The following BICC1 variants were observed in gnomAD, a reference collection of about 807,000 sequenced individuals.
BICC1 encodes the protein BicC family RNA binding protein 1, also known as protein bicaudal C homolog 1.
Under a neutral mutation model 111.0 loss-of-function variants are expected in BICC1, and 43 were observed. The observed-to-expected ratio is 0.39, with a 90% CI of 0.30 to 0.50. The LOEUF is 0.50. Among genes scored for constraint, BICC1 ranks in the 20% least tolerant of loss-of-function variants. The probability of loss-of-function intolerance (pLI) is 0.88; values close to 1 mark genes in which losing one functional copy is unlikely to be tolerated. For missense variants in BICC1, 1,091 were observed against 1,203.2 expected (o/e 0.91, Z 1.38); for synonymous variants, 467 against 434.4 (o/e 1.07, Z -0.93).
At chr10:58,610,187 A>G (rs1845371071) in intron 1 of BICC1, among the ~76,000 whole-genome samples, 1 of 152,218 alleles carries the variant, frequency 6.6e-6, no homozygotes, top group African/African-American at 2.4e-5. Flanking sequence ...ATTTTTGGGA[A>G]TATATATTTC....
intron 1 of BICC1, among the ~76,000 whole-genome samples, chr10:58,532,602 C>T (rs965479618): frequency 2.0e-5 from 3 of 151,774 alleles, no homozygotes; most frequent in African/African-American, 7.3e-5. Context: ...TGGCAGCAGA[C>T]CATCCACATC....
chr10:58,570,306 G>T (rs980682913), intron 1 of BICC1, among the ~76,000 whole-genome samples: 5 of 152,286 alleles, frequency 3.3e-5, no homozygotes, highest in South Asian at 2.1e-4. Context: ...TTTGGCTAAG[G>T]TTATCTCCTA....
At chr10:58,672,655 C>G (rs192928556) in intron 2 of BICC1, among the ~76,000 whole-genome samples, 21 of 152,292 alleles carry the variant, frequency 1.4e-4, no homozygotes, top group African/African-American at 5.1e-4. Context: ...CTCACAAGAG[C>G]AGGGACCAAG....
chr10:58,634,411 C>T (rs988195066), intron 2 of BICC1, among the ~76,000 whole-genome samples: 3 of 152,104 alleles, frequency 2.0e-5, no homozygotes, highest in Non-Finnish European at 4.4e-5. Context: ...CCATTCTTAA[C>T]CCCAGGTACA....
chr10:58,828,794 C>T lies in BICC1; in HGVS notation c.2828C>T (p.Ser943Leu), dbSNP rs145960427. Residue 943 changes from serine (S) to leucine (L), a missense_variant, in exon 21 of 21, where the codon TCG becomes TTG. By Grantham distance (145) the Ser-to-Leu change is moderately radical. Transcript: ENST00000373886. ...AAAAACCGAAGAAAGCTTTTTGAAT[C>T]GCCAAATGCACGCACCTCTTTCCTG... ...LNKNRRKLFE[S>L]PNARTSFLEG... 256 of 1,613,562 alleles carry T rather than the reference C, an allele frequency of 1.6e-4. 1 individual carries two copies. The highest frequency in any genetic ancestry group is 2.0e-4 in the Non-Finnish European group (233 of 1,179,788).
chr10:58,630,659 A>G (rs879180422), intron 2 of BICC1, among the ~76,000 whole-genome samples: 1 of 152,140 alleles, frequency 6.6e-6, no homozygotes, highest in South Asian at 2.1e-4. Context: ...GGGAAACTCT[A>G]CAAGGCCTAA....
Position 58,750,835 on chromosome 10 carries a change from GA to G in BICC1, c.308-34164del, listed in dbSNP as rs534316006. Among the ~76,000 whole-genome samples the G allele has an allele frequency of 4.1e-4, 62 of 152,192 alleles. 1 individual carries two copies. In the South Asian group the frequency reaches 9.5e-3, roughly 23 times the overall value. ...AAATCGGAAACCTGCTTTTTAATTGGAAGCAGTCTTTACTCTCTTGAAGCCA... is the reference window on the plus strand; with the variant it reads ...AAATCGGAAACCTGCTTTTTAATTGGAGCAGTCTTTACTCTCTTGAAGCCA... On this transcript the variant is annotated intron_variant, in intron 3 of 20. Coordinates refer to ENST00000373886, the MANE Select transcript of BICC1 (RefSeq NM_001080512.3).
intron 8 of BICC1, among the ~76,000 whole-genome samples, chr10:58,791,922 G>A (rs1248159883): frequency 1.3e-5 from 2 of 152,084 alleles, no homozygotes; most frequent in African/African-American, 2.4e-5. Context: ...CTCCCGAGTA[G>A]CTGAGATTAC....
At chr10:58,644,299 T>G (rs1838204529) in intron 2 of BICC1, among the ~76,000 whole-genome samples, 1 of 152,170 alleles carries the variant, frequency 6.6e-6, no homozygotes, top group Non-Finnish European at 1.5e-5. Flanking sequence ...AGAAAGAAAA[T>G]TGGCTCAAAG....
At chr10:58,780,756 C>A (rs1026902554) in intron 3 of BICC1, among the ~76,000 whole-genome samples, 7 of 152,062 alleles carry the variant, frequency 4.6e-5, no homozygotes, top group Admixed American at 2.0e-4. Flanking sequence ...CTTTTAAAAG[C>A]ATAACTAAAC....
chr10:58,594,692 A>G (rs1380482805), intron 1 of BICC1, among the ~76,000 whole-genome samples: 2 of 152,228 alleles, frequency 1.3e-5, no homozygotes, highest in Non-Finnish European at 2.9e-5. Context: ...TTTTGTCACC[A>G]CTAGGCCTGC....
intron 3 of BICC1, chr10:58,715,860 T>A: frequency 4.1e-6 from 5 of 1,207,300 alleles, no homozygotes. Flanking sequence ...AGAAATCTGA[T>A]AGGTATTCAT....
chr10:58,790,092 A>T (rs551021353), intron 8 of BICC1, among the ~76,000 whole-genome samples, 159 bp downstream of exon 8: 55 of 152,334 alleles, frequency 3.6e-4, no homozygotes, highest in African/African-American at 1.1e-3. Flanking sequence ...TGGAAGAGTA[A>T]TAAGGTTCAT....
intron 2 of BICC1, among the ~76,000 whole-genome samples, chr10:58,628,743 A>G (rs1837706970): frequency 6.6e-6 from 1 of 152,218 alleles, no homozygotes; most frequent in African/African-American, 2.4e-5. Context: ...TAAATATTAT[A>G]TAACCTTTAG....
At chr10:58,715,584 A>G in intron 3 of BICC1, 1 of 1,595,204 alleles carries the variant, frequency 6.3e-7, no homozygotes, top group Non-Finnish European at 8.6e-7. Context: ...GGTGGCCTAT[A>G]TGCACCCAAT....
intron 2 of BICC1, among the ~76,000 whole-genome samples, chr10:58,627,166 T>C (rs1302867402): frequency 1.3e-5 from 2 of 152,246 alleles, no homozygotes; most frequent in East Asian, 3.9e-4. Context: ...GTTTGTTCAA[T>C]TGAATAATCT....
chr10:58,725,355 T>G (rs904680771), intron 3 of BICC1, among the ~76,000 whole-genome samples: 1 of 152,156 alleles, frequency 6.6e-6, no homozygotes, highest in Non-Finnish European at 1.5e-5. Flanking sequence ...AACTGCAGAC[T>G]CTGCCCAGAT....
intron 20 of BICC1, chr10:58,823,357 T>C (rs2132982755): frequency 1.0e-6 from 1 of 985,282 alleles, no homozygotes; most frequent in African/African-American, 1.7e-5. Flanking sequence ...ATTAGAGGAG[T>C]TTGCCTTATC....
chr10:58,682,577 G>A (rs565380625), intron 2 of BICC1, among the ~76,000 whole-genome samples: 1 of 152,196 alleles, frequency 6.6e-6, no homozygotes, highest in Non-Finnish European at 1.5e-5. Context: ...GTGTGAGATG[G>A]TATCTCGTTG....
Sources: allele counts gnomAD v4.1 joint callset (sites outside exome capture counted in the v4.1 genomes callset), GRCh38; gene constraint gnomAD v4.1.1; transcripts MANE v1.5; gene names NCBI Gene and HGNC (gene_info 2026-07-23, HGNC 2026-07-21).